PCDHGC4: variants seen among roughly 807,000 people sequenced by gnomAD.
PCDHGC4 encodes protocadherin gamma-C4.
Under a neutral mutation model 59.7 loss-of-function variants are expected in PCDHGC4, and 15 were observed. The ratio of observed to expected loss-of-function variants is 0.25; its 90% confidence interval spans 0.17 to 0.39. The LOEUF is 0.39. PCDHGC4 is among the 10% of genes least tolerant of loss of function. The pLI is 1.00. For synonymous variants in PCDHGC4, 434 were observed against 481.4 expected, an observed-to-expected ratio of 0.90 and a Z score of 1.29; for missense variants, 1,016 against 1,189.5, an observed-to-expected ratio of 0.85 and a Z score of 2.15.
At chr5:141,488,020 T>C (rs985558790) in intron 1 of PCDHGC4, among the ~76,000 whole-genome samples, 3 of 152,174 alleles carry the variant, frequency 2.0e-5, no homozygotes, top group African/African-American at 7.2e-5. Context: ...GTACCTTAAC[T>C]CTAGGTTACC....
Position 141,505,566 on chromosome 5 carries a change from A to G in PCDHGC4, c.2590+85A>G, listed in dbSNP as rs1363426407. 1.4e-5 allele frequency: 22 copies of G among 1,599,886 alleles called. No individual in the cohort carries two copies. In the East Asian group the frequency reaches 4.7e-4, roughly 34 times the overall value. ...CACAGCCACCATGCCCACGGACTGGATGTCAAACCTGTGTAGTTTCTCCAG... is the reference window on the plus strand; with the variant it reads ...CACAGCCACCATGCCCACGGACTGGGTGTCAAACCTGTGTAGTTTCTCCAG... On this transcript the variant is annotated intron_variant, in intron 3 of 3. Coordinates refer to ENST00000306593, the MANE Select transcript of PCDHGC4 (RefSeq NM_018928.3).
chr5:141,505,371 C>T (rs2099845827), intron 2 of PCDHGC4, 22 bp from the exon 3 acceptor site: 4 of 1,613,980 alleles, frequency 2.5e-6, no homozygotes, highest in Non-Finnish European at 3.4e-6. Context: ...AGTCTGTGCT[C>T]ACCATCCTAC....
At chr5:141,497,223 T>G (rs921763195) in intron 2 of PCDHGC4, among the ~76,000 whole-genome samples, 14 of 151,762 alleles carry the variant, frequency 9.2e-5, no homozygotes, top group African/African-American at 3.4e-4. Context: ...GGGGGGAAGA[T>G]CAGAGAAGGC....
At chr5:141,510,525 G>A (rs545854649) in intron 3 of PCDHGC4, among the ~76,000 whole-genome samples, 1 of 152,316 alleles carries the variant, frequency 6.6e-6, no homozygotes, top group African/African-American at 2.4e-5. Context: ...ACAGCCCTGA[G>A]AGAAATACCA....
chr5:141,491,414 G>T lies in PCDHGC4; in HGVS notation c.2443-3393G>T, dbSNP rs137987971. ...CTTCAGGGAAACGCAGACGGGGACGGGGGTGGAGGGCAGTGCTGCAGGCGC... is the reference window on the plus strand; with the variant it reads ...CTTCAGGGAAACGCAGACGGGGACGTGGGTGGAGGGCAGTGCTGCAGGCGC... On this transcript the variant is annotated intron_variant, in intron 1 of 3. Coordinates refer to ENST00000306593, the MANE Select transcript of PCDHGC4 (RefSeq NM_018928.3). The surrounding 1 kb of genome is among the most constrained non-coding windows in gnomAD (Gnocchi z 6.9). 1.9e-6 allele frequency: 3 copies of T among 1,614,008 alleles called. No homozygotes were observed. Among genetic ancestry groups the T allele is most frequent in the Non-Finnish European group, 2.5e-6 (3 of 1,180,030 alleles).
Position 141,485,818 on chromosome 5 carries a change from C to A in PCDHGC4, c.645C>A (p.Val215=), listed in dbSNP as rs757848513. The A allele has an allele frequency of 1.2e-6, 2 of 1,613,910 alleles. No individual in the cohort carries two copies. The highest frequency in any genetic ancestry group is 1.7e-6 in the Non-Finnish European group (2 of 1,179,974). The change falls in exon 1 of 4, where the codon GTC becomes GTA. Residue 215 remains valine (V), a synonymous_variant. Transcript: ENST00000306593. The surrounding 1 kb of genome is among the most constrained non-coding windows in gnomAD (Gnocchi z 5.7). The part of the protein sequence containing the change: ...QSDYRLVLTA[V]DGGNPPRSGT... ...ACTACCGCCTGGTGCTGACTGCTGT[C>A]GATGGAGGGAACCCGCCGAGATCTG...
rs2099691833 is a variant in PCDHGC4, at chr5:141,489,761, C to A, written c.2442+2146C>A. 8.1e-6 allele frequency: 13 copies of A among 1,614,102 alleles called. No individual in the cohort carries two copies. The highest frequency in any genetic ancestry group is 1.1e-5 in the Non-Finnish European group (13 of 1,179,962). ...ACTGTGAGCTTTTACACTCTAAGCCCCAACAGCCACTTCTCTCTGAATGTG... is the reference window on the plus strand; with the variant it reads ...ACTGTGAGCTTTTACACTCTAAGCCACAACAGCCACTTCTCTCTGAATGTG... On this transcript the variant is annotated intron_variant, in intron 1 of 3. Coordinates refer to ENST00000306593, the MANE Select transcript of PCDHGC4 (RefSeq NM_018928.3). The surrounding 1 kb of genome is among the most constrained non-coding windows in gnomAD (Gnocchi z 4.5).
chr5:141,487,826 T>C lies in PCDHGC4; in HGVS notation c.2442+211T>C, dbSNP rs1321152837. 24 of 1,187,814 alleles carry C rather than the reference T, an allele frequency of 2.0e-5. No homozygotes were observed. The highest frequency in any genetic ancestry group is 2.8e-5 in the Non-Finnish European group (24 of 856,356). The allele number at this position is 1,187,814 out of a possible 1,614,324, so 73.6% of individuals were successfully genotyped here. On this transcript the variant is annotated intron_variant, in intron 1 of 3. Coordinates refer to ENST00000306593, the MANE Select transcript of PCDHGC4 (RefSeq NM_018928.3). The surrounding 1 kb of genome is among the most constrained non-coding windows in gnomAD (Gnocchi z 5.0). ...ACAGTTTAGCATTGGGGGCGGGTCA[T>C]GCCTATATCTGAGTAAGAAATGAAA... is the stretch of plus-strand genomic sequence containing the variant.
rs2099615088 is a variant in PCDHGC4, at chr5:141,485,526, G to A, written c.353G>A (p.Arg118Gln). Residue 118 changes from arginine (R) to glutamine (Q), a missense_variant, in exon 1 of 4, where the codon CGA (arginine) becomes CAA (glutamine). By Grantham distance (43) the Arg-to-Gln change is conservative. Coordinates refer to ENST00000306593, the MANE Select transcript of PCDHGC4 (RefSeq NM_018928.3). The surrounding 1 kb of genome is among the most constrained non-coding windows in gnomAD (Gnocchi z 5.7). Reference sequence around the variant, plus strand: ...ACCGAAGGTCCTTTGGAAATGTACCGAGCAGAGGTAGAGATCGTAGATGTG... The same window carrying A: ...ACCGAAGGTCCTTTGGAAATGTACCAAGCAGAGGTAGAGATCGTAGATGTG... ...FVTEGPLEMY[R>Q]AEVEIVDVND... 6.2e-7 allele frequency: 1 copy of A among 1,614,154 alleles called. No individual in the cohort carries two copies. The highest frequency in any genetic ancestry group is 2.2e-5 in the East Asian group (1 of 44,880).
chr5:141,493,808 C>T lies in PCDHGC4; in HGVS notation c.2443-999C>T, dbSNP rs2099750260. On this transcript the variant is annotated intron_variant, in intron 1 of 3. Transcript: ENST00000306593. The surrounding 1 kb of genome is among the most constrained non-coding windows in gnomAD (Gnocchi z 4.3). ...CTTCTCCCTGGAGTAATCTGAGATA[C>T]TCACACTCTCTGCTTCTGGGAGCAA... is the stretch of plus-strand genomic sequence containing the variant. 6.6e-6 allele frequency among the ~76,000 whole-genome samples: 1 copy of T among 152,200 alleles called. No individual in the cohort carries two copies. The highest frequency in any genetic ancestry group is 1.5e-5 in the Non-Finnish European group (1 of 68,042).
In PCDHGC4 at chr5:141,489,372, G is replaced by A. The variant is rs1335356378; in HGVS notation, c.2442+1757G>A. 2 of 1,613,814 alleles carry A rather than the reference G, an allele frequency of 1.2e-6. No individual in the cohort carries two copies. Among genetic ancestry groups the A allele is most frequent in the Non-Finnish European group, 1.7e-6 (2 of 1,179,700 alleles). On this transcript the variant is annotated intron_variant, in intron 1 of 3. Transcript: ENST00000306593. The surrounding 1 kb of genome is among the most constrained non-coding windows in gnomAD (Gnocchi z 4.5). ...TGGAGGAGTCTGAGCCGGGGACGCT[G>A]GTGGGGAATGTTGCTCAGGATCTGG...
chr5:141,505,681 G>A (rs113733387), intron 3 of PCDHGC4, among the ~76,000 whole-genome samples, 200 bp downstream of exon 3: 92 of 152,324 alleles, frequency 6.0e-4, no homozygotes, highest in African/African-American at 2.1e-3. Flanking sequence ...GGGGTCCTGG[G>A]ATGCCTGGAG....
At position 141,486,449 on chromosome 5, in the gene PCDHGC4, A is replaced by G; in HGVS notation, c.1276A>G (p.Thr426Ala). The change falls in exon 1 of 4, where the codon ACT (threonine) becomes GCT (alanine). Residue 426 changes from threonine (T) to alanine (A), a missense_variant. Thr to Ala is a moderately conservative substitution (Grantham distance 58). Coordinates refer to ENST00000306593, the MANE Select transcript of PCDHGC4 (RefSeq NM_018928.3). The surrounding 1 kb of genome is among the most constrained non-coding windows in gnomAD (Gnocchi z 5.0). ...EAKSSYDIMVTASDAGNPPLS... is the reference protein window; with the variant it reads ...EAKSSYDIMVAASDAGNPPLS... The stretch of plus-strand genomic sequence containing the variant: ...CAAATCTAGCTATGACATCATGGTC[A>G]CTGCTTCTGATGCTGGGAACCCTCC... The G allele has an allele frequency of 6.2e-7, 1 of 1,614,184 alleles. No homozygotes were observed. Among genetic ancestry groups the G allele is most frequent in the Non-Finnish European group, 8.5e-7 (1 of 1,180,000 alleles).
In PCDHGC4 at chr5:141,489,993, C is replaced by T. The variant is rs1413894892; in HGVS notation, c.2442+2378C>T. 18 of 1,614,186 alleles carry T rather than the reference C, an allele frequency of 1.1e-5. No individual in the cohort carries two copies. The highest frequency in any genetic ancestry group is 1.5e-5 in the Non-Finnish European group (18 of 1,179,990). On this transcript the variant is annotated intron_variant, in intron 1 of 3. Transcript: ENST00000306593. The surrounding 1 kb of genome is among the most constrained non-coding windows in gnomAD (Gnocchi z 4.5). ...AATCCTCAGTTCTACGTGTGGGAAT[C>T]CCAGAGAATGCACCCATTGGTACTC...
chr5:141,503,598 CAAAA>C (rs765754054), intron 2 of PCDHGC4, among the ~76,000 whole-genome samples: 2 of 65,756 alleles, frequency 3.0e-5, no homozygotes. Flanking sequence ...GACTCCAGCT[CAAAA>C]AAAAAAAAAA....
Position 141,491,987 on chromosome 5 carries a change from T to A in PCDHGC4, c.2443-2820T>A. The A allele has an allele frequency of 1.4e-6, 1 of 736,922 alleles. No individual in the cohort carries two copies. The highest frequency in any genetic ancestry group is 2.0e-6 in the Non-Finnish European group (1 of 490,378). The allele number at this position is 736,922 out of a possible 1,614,324, so 45.6% of individuals were successfully genotyped here. On this transcript the variant is annotated intron_variant, in intron 1 of 3. Coordinates refer to ENST00000306593, the MANE Select transcript of PCDHGC4 (RefSeq NM_018928.3). The surrounding 1 kb of genome is among the most constrained non-coding windows in gnomAD (Gnocchi z 6.9). ...GCCGGGGCCTCCTTCGAGCTTCCGG[T>A]GAATTTCGGGCGATTTCCGCGGGTG...
rs771608897 is a variant in PCDHGC4, at chr5:141,490,857, C to T, written c.2442+3242C>T. 58 of 1,613,714 alleles carry T rather than the reference C, an allele frequency of 3.6e-5. 1 individual carries two copies. The highest frequency in any genetic ancestry group is 1.8e-4 in the Admixed American group (11 of 59,992). Reference sequence around the variant, plus strand: ...AGATTGTGGTGGGGGTTCGAGACTCCGGCTCTCCCCCATTGCATGCCAACA... The same window carrying T: ...AGATTGTGGTGGGGGTTCGAGACTCTGGCTCTCCCCCATTGCATGCCAACA... On this transcript the variant is annotated intron_variant, in intron 1 of 3. Transcript: ENST00000306593. The surrounding 1 kb of genome is among the most constrained non-coding windows in gnomAD (Gnocchi z 5.4).
intron 2 of PCDHGC4, among the ~76,000 whole-genome samples, chr5:141,500,985 C>T (rs2099804537): frequency 6.6e-6 from 1 of 152,048 alleles, no homozygotes; most frequent in Non-Finnish European, 1.5e-5. Flanking sequence ...TCTCCTGCCT[C>T]AGCCTCCTGA....
chr5:141,491,006 T>C lies in PCDHGC4; in HGVS notation c.2442+3391T>C. The C allele has an allele frequency of 6.2e-7, 1 of 1,614,062 alleles. No homozygotes were observed. Among genetic ancestry groups the C allele is most frequent in the Non-Finnish European group, 8.5e-7 (1 of 1,180,028 alleles). ...CGCTCTGCTCCTCCTGGCTCCTTGG[T>C]CACCAAGGTGACAGCCGTGGATGCT... On this transcript the variant is annotated intron_variant, in intron 1 of 3. Transcript: ENST00000306593. This position sits in a 1 kb window ranked among gnomAD's most constrained non-coding sequence, Gnocchi z 6.9.
Sources: allele counts gnomAD v4.1 joint callset (sites outside exome capture counted in the v4.1 genomes callset), GRCh38; gene constraint gnomAD v4.1.1; non-coding constraint Gnocchi (gnomAD v3.1); transcripts MANE v1.5; gene names NCBI Gene and HGNC (gene_info 2026-07-23, HGNC 2026-07-21).